Variants in APBA1 observed in about 807,000 individuals in gnomAD.
APBA1 encodes the protein amyloid beta precursor protein binding family A member 1, also known as amyloid-beta A4 precursor protein-binding family A member 1.
Under a neutral mutation model 86.6 loss-of-function variants are expected in APBA1, and 55 were observed. The ratio of observed to expected loss-of-function variants is 0.64; its 90% CI spans 0.51 to 0.80. The LOEUF (loss-of-function observed/expected upper bound fraction) is 0.80. Ranked by LOEUF, APBA1 falls within the 30% of genes least tolerant of loss-of-function variation. The pLI is 0.00. For synonymous variants in APBA1, 511 were observed against 493.9 expected (o/e 1.03, Z -0.46); for missense variants, 1,090 against 1,183.0 (o/e 0.92, Z 1.15).
Position 69,432,614 on chromosome 9 carries a change from G to A in APBA1, c.2364C>T (p.Ile788=). 6.2e-7 allele frequency: 1 copy of A among 1,606,522 alleles called. No homozygotes were observed. Among genetic ancestry groups the A allele is most frequent in the Non-Finnish European group, 8.5e-7 (1 of 1,176,870 alleles). ...CGACGCTCTGTCCATTGATTTCAATGATCCGGTGCCCCACACGGACGCCTC... is the reference window on the plus strand; with the variant it reads ...CGACGCTCTGTCCATTGATTTCAATAATCCGGTGCCCCACACGGACGCCTC... ...ERGGVRVGHR[I]IEINGQSVVA... Residue 788 remains isoleucine (I), a synonymous_variant, in exon 12 of 13, where the codon ATC becomes ATT. Transcript: ENST00000265381.
chr9:69,578,253 C>T (rs143664875), intron 1 of APBA1, among the ~76,000 whole-genome samples: 6 of 152,320 alleles, frequency 3.9e-5, no homozygotes, highest in South Asian at 2.1e-4. Context: ...CACTGGAGCA[C>T]GGATCCAACT....
chr9:69,534,158 G>A (rs1588346473), intron 1 of APBA1, among the ~76,000 whole-genome samples: 4 of 152,194 alleles, frequency 2.6e-5, no homozygotes, highest in African/African-American at 7.2e-5. Context: ...AATTTCCAAT[G>A]TTCAGCATAC....
rs1834628332 is a variant in APBA1, at chr9:69,432,810, A to G, written c.2302-134T>C. 5.5e-6 allele frequency: 5 copies of G among 911,448 alleles called. No homozygotes were observed. In the South Asian group the frequency reaches 1.3e-4, roughly 24 times the overall value. The allele number at this position is 911,448 out of a possible 1,614,324, so 56.5% of individuals were successfully genotyped here. ...GACATGGTTAGGCTTTGGGCATTTA[A>G]CTCTCTTAGTGTCTTTTCACAAAAA... On this transcript the variant is annotated intron_variant, in intron 11 of 12. Coordinates refer to ENST00000265381, the MANE Select transcript of APBA1 (RefSeq NM_001163.4).
At chr9:69,489,422 A>G (rs1389720566) in intron 2 of APBA1, among the ~76,000 whole-genome samples, 3 of 152,174 alleles carry the variant, frequency 2.0e-5, no homozygotes, top group African/African-American at 7.2e-5. Flanking sequence ...CTGGCTAGCC[A>G]TATGTAGAAA....
In APBA1 at chr9:69,516,857, A is replaced by G. The variant is rs2133890486; in HGVS notation, c.354T>C (p.Tyr118=). Residue 118 remains tyrosine (Y), a synonymous_variant, in exon 2 of 13, where the codon TAT becomes TAC. Coordinates refer to ENST00000265381, the MANE Select transcript of APBA1 (RefSeq NM_001163.4). This position sits in a 1 kb window ranked among gnomAD's most constrained non-coding sequence, Gnocchi z 7.3. ...RAQDPEDESA[Y]AVQYRPEAEE... is the part of the protein sequence containing the mutation. ...CGGCCTCGGGCCGGTACTGCACAGC[A>G]TAGGCGCTCTCGTCCTCGGGGTCCT... is the stretch of plus-strand genomic sequence containing the variant. The G allele has an allele frequency of 6.2e-7, 1 of 1,600,178 alleles. No individual in the cohort carries two copies. Among genetic ancestry groups the G allele is most frequent in the Non-Finnish European group, 8.5e-7 (1 of 1,177,762 alleles).
At chr9:69,571,315 T>A (rs1837111261) in intron 1 of APBA1, among the ~76,000 whole-genome samples, 1 of 152,218 alleles carries the variant, frequency 6.6e-6, no homozygotes, top group African/African-American at 2.4e-5. Context: ...ATCATAAAAG[T>A]CTATCCAGTA....
At chr9:69,611,480 A>C (rs979792050) in intron 1 of APBA1, among the ~76,000 whole-genome samples, 1 of 152,112 alleles carries the variant, frequency 6.6e-6, no homozygotes, top group African/African-American at 2.4e-5. Flanking sequence ...TGAATATCTA[A>C]CCTTAAACTC....
chr9:69,640,213 ATATT>A (rs1311853302), intron 1 of APBA1, among the ~76,000 whole-genome samples: 1 of 152,156 alleles, frequency 6.6e-6, no homozygotes, highest in African/African-American at 2.4e-5. Flanking sequence ...TTATATGTGC[ATATT>A]TAAACAAAAA....
intron 1 of APBA1, among the ~76,000 whole-genome samples, chr9:69,582,703 C>T (rs1032740222): frequency 6.6e-6 from 1 of 152,172 alleles, no homozygotes; most frequent in African/African-American, 2.4e-5. Context: ...ACCAGCCCCA[C>T]CCACTCCTGG....
chr9:69,580,092 A>G (rs935253237), intron 1 of APBA1, among the ~76,000 whole-genome samples: 1 of 152,240 alleles, frequency 6.6e-6, no homozygotes, highest in Non-Finnish European at 1.5e-5. Flanking sequence ...AGCCAAGAAC[A>G]TGTGAGGAGA....
intron 3 of APBA1, chr9:69,472,493 G>C (rs1392905121): frequency 2.6e-5 from 4 of 152,260 alleles, no homozygotes; most frequent in African/African-American, 9.7e-5. Context: ...TCCACCAGTA[G>C]TAGAATTTGT....
At position 69,576,821 on chromosome 9, in the gene APBA1, C is replaced by T. The variant is rs557186271; in HGVS notation, c.-69-59542G>A. 4.6e-3 allele frequency among the ~76,000 whole-genome samples: 706 copies of T among 152,030 alleles called. 3 individuals are homozygous for T. The highest frequency in any genetic ancestry group is 0.015 in the African/African-American group (634 of 41,478). Reference sequence around the variant, plus strand: ...TGTATACATATGTAACAAACCTGCACGTTGTGCACATGTACCCTAAAACTT... The same window carrying T: ...TGTATACATATGTAACAAACCTGCATGTTGTGCACATGTACCCTAAAACTT... On this transcript the variant is annotated intron_variant, in intron 1 of 12. Transcript: ENST00000265381.
chr9:69,502,288 G>A (rs1057327228), intron 2 of APBA1, among the ~76,000 whole-genome samples: 4 of 152,064 alleles, frequency 2.6e-5, no homozygotes, highest in African/African-American at 9.7e-5. Context: ...GGAGACACCT[G>A]CCAGGCAACA....
chr9:69,452,870 C>G (rs7870154), intron 8 of APBA1, among the ~76,000 whole-genome samples: 47 of 152,290 alleles, frequency 3.1e-4, no homozygotes, highest in Admixed American at 2.4e-3. Context: ...TCTGTGTTGC[C>G]GATAAATCAC....
At chr9:69,492,264 C>T (rs75703302) in intron 2 of APBA1, among the ~76,000 whole-genome samples, 175 of 152,100 alleles carry the variant, frequency 1.2e-3, no homozygotes, top group Non-Finnish European at 2.1e-3. Flanking sequence ...ACCCACCTCC[C>T]GGGTTGCCAT....
chr9:69,638,493 G>A (rs568848514), intron 1 of APBA1, among the ~76,000 whole-genome samples: 14 of 152,222 alleles, frequency 9.2e-5, no homozygotes, highest in Admixed American at 5.2e-4. Flanking sequence ...TGTCCACCTC[G>A]ACCTCCCAAA....
At chr9:69,665,973 T>A (rs1312788254) in intron 1 of APBA1, among the ~76,000 whole-genome samples, 2 of 152,150 alleles carry the variant, frequency 1.3e-5, no homozygotes, top group African/African-American at 4.8e-5. Context: ...TGACCTCAAG[T>A]GATCTGCCTG....
intron 1 of APBA1, among the ~76,000 whole-genome samples, chr9:69,641,462 A>G (rs922421588): frequency 1.1e-4 from 16 of 152,220 alleles, no homozygotes; most frequent in Admixed American, 1.0e-3. Flanking sequence ...GAAAATGCAA[A>G]GTTGGAGGAC....
At chr9:69,455,421 C>T (rs988135583) in intron 8 of APBA1, among the ~76,000 whole-genome samples, 1 of 152,068 alleles carries the variant, frequency 6.6e-6, no homozygotes, top group Non-Finnish European at 1.5e-5. Context: ...CTGGGAGCAG[C>T]TTAGTTCAGG....
Sources: allele counts gnomAD v4.1 joint callset (sites outside exome capture counted in the v4.1 genomes callset), GRCh38; gene constraint gnomAD v4.1.1; non-coding constraint Gnocchi (gnomAD v3.1); transcripts MANE v1.5; gene names NCBI Gene and HGNC (gene_info 2026-07-23, HGNC 2026-07-21).